Variants in TMPRSS11F observed in about 807,000 individuals in gnomAD.
TMPRSS11F encodes the protein transmembrane serine protease 11F, also known as transmembrane protease serine 11F.
Under a neutral mutation model 60.2 loss-of-function variants are expected in TMPRSS11F, and 47 were observed. The ratio of observed to expected loss-of-function variants is 0.78; its 90% CI spans 0.62 to 1.00. The LOEUF is 1.00. TMPRSS11F is among the 50% of genes least tolerant of loss of function. The pLI, the probability that TMPRSS11F is intolerant of heterozygous loss-of-function variation, is 0.00. For missense variants in TMPRSS11F, 519 were observed against 522.9 expected, an observed-to-expected ratio of 0.99 and a Z score of 0.07; for synonymous variants, 166 against 167.3, an observed-to-expected ratio of 0.99 and a Z score of 0.06.
chr4:68,063,613 T>A (rs2109834712), intron 8 of TMPRSS11F, among the ~76,000 whole-genome samples: 1 of 152,236 alleles, frequency 6.6e-6, no homozygotes. Flanking sequence ...TCTCCTGACC[T>A]CATGATCCGC....
chr4:68,071,281 T>TG (rs1164507857), intron 5 of TMPRSS11F, among the ~76,000 whole-genome samples: 1 of 152,202 alleles, frequency 6.6e-6, no homozygotes, highest in Non-Finnish European at 1.5e-5. Context: ...ACAATATTTG[T>TG]GGGGATTCTA....
At chr4:68,112,964 G>T (rs1440290529) in intron 1 of TMPRSS11F, among the ~76,000 whole-genome samples, 1 of 151,936 alleles carries the variant, frequency 6.6e-6, no homozygotes, top group African/African-American at 2.4e-5. Context: ...GTAAAATTCT[G>T]AAATATTTAT....
chr4:68,094,891 T>C (rs2109868276), intron 2 of TMPRSS11F, among the ~76,000 whole-genome samples: 1 of 152,118 alleles, frequency 6.6e-6, no homozygotes, highest in East Asian at 1.9e-4. Flanking sequence ...GTATAACAAT[T>C]GATTCTTAAA....
chr4:68,097,628 C>T (rs1481197722), intron 2 of TMPRSS11F, among the ~76,000 whole-genome samples: 1 of 152,034 alleles, frequency 6.6e-6, no homozygotes, highest in African/African-American at 2.4e-5. Context: ...GGGAATGGGG[C>T]ATTATTCAGC....
intron 3 of TMPRSS11F, among the ~76,000 whole-genome samples, chr4:68,086,239 C>A (rs1723808555): frequency 1.3e-5 from 2 of 152,082 alleles, no homozygotes. Context: ...AACCACACAA[C>A]TACATGGAAA....
intron 1 of TMPRSS11F, among the ~76,000 whole-genome samples, chr4:68,127,454 C>T (rs962359052): frequency 6.6e-6 from 1 of 152,034 alleles, no homozygotes; most frequent in Non-Finnish European, 1.5e-5. Context: ...ATCTCTGCCT[C>T]ACTTGCAGAG....
rs185577852 is a variant in TMPRSS11F, at chr4:68,093,035, C to T, written c.164-2394G>A. Among the ~76,000 whole-genome samples the T allele has an allele frequency of 1.6e-4, 24 of 152,144 alleles. 1 individual carries two copies. Among genetic ancestry groups the T allele is most frequent in the Admixed American group, 1.4e-3 (22 of 15,278 alleles). On this transcript the variant is annotated intron_variant, in intron 2 of 9. Transcript: ENST00000356291. ...TTATATGCAGAGAACATGATATTTG[C>T]CATTTATTGAATCTTTATTATATGC...
chr4:68,117,467 CAAAAAAAAAAAAAAA>C (rs55708045), intron 1 of TMPRSS11F, among the ~76,000 whole-genome samples: 10 of 51,398 alleles, frequency 1.9e-4, no homozygotes, highest in Non-Finnish European at 3.0e-4. Context: ...GACTCTGTCT[CAAAAAAAAAAAAAAA>C]AAAAAAAAAA....
chr4:68,072,226 A>ATATATATATATATATATATATATAT (rs61224244), intron 5 of TMPRSS11F, 97 bp downstream of exon 5: 3,151 of 78,254 alleles, frequency 0.04, 924 homozygotes, highest in East Asian at 0.069. Flanking sequence ...TCTTCCAAAA[A>ATATATATATATATATATATATATAT]AAAAATATAT....
At chr4:68,094,991 A>C (rs1724041659) in intron 2 of TMPRSS11F, among the ~76,000 whole-genome samples, 1 of 152,024 alleles carries the variant, frequency 6.6e-6, no homozygotes, top group Non-Finnish European at 1.5e-5. Context: ...AAAACCAACA[A>C]ACACAAAAAA....
intron 3 of TMPRSS11F, among the ~76,000 whole-genome samples, chr4:68,082,029 A>G (rs903918840): frequency 2.6e-5 from 4 of 152,210 alleles, no homozygotes; most frequent in African/African-American, 7.2e-5. Context: ...ATATTGAGTA[A>G]GCCAACATAC....
At chr4:68,061,800 C>G (rs1046984622) in intron 8 of TMPRSS11F, 17 of 441,856 alleles carry the variant, frequency 3.8e-5, no homozygotes, top group African/African-American at 3.0e-4. Flanking sequence ...TTACGTAGTT[C>G]TACAGTACAA....
In TMPRSS11F at chr4:68,109,085, C is replaced by T. The variant is rs1277751770; in HGVS notation, c.12-10047G>A. Reference sequence around the variant, plus strand: ...ATGATGGTTTTTAGGCATGCATTCCCAAAGTTTGCATCTCCTACACTAACT... The same window carrying T: ...ATGATGGTTTTTAGGCATGCATTCCTAAAGTTTGCATCTCCTACACTAACT... On this transcript the variant is annotated intron_variant, in intron 1 of 9. Coordinates refer to ENST00000356291, the MANE Select transcript of TMPRSS11F (RefSeq NM_207407.2). Among the ~76,000 whole-genome samples, 3 of 152,176 alleles carry T rather than the reference C, an allele frequency of 2.0e-5. No homozygotes were observed. In the East Asian group the frequency reaches 5.8e-4, roughly 29 times the overall value.
At chr4:68,072,602 T>C (rs1199583936) in intron 4 of TMPRSS11F, 116 bp from the exon 5 acceptor site, 1 of 645,546 alleles carries the variant, frequency 1.5e-6, no homozygotes, top group East Asian at 3.4e-5. Context: ...GCATACCAGA[T>C]TTTTAAATTA....
At chr4:68,067,519 A>C (rs1406246436) in intron 7 of TMPRSS11F, among the ~76,000 whole-genome samples, 1 of 143,660 alleles carries the variant, frequency 7.0e-6, no homozygotes, top group African/African-American at 2.5e-5. Context: ...TCAGTTATAA[A>C]CTAAAATGGA....
intron 3 of TMPRSS11F, among the ~76,000 whole-genome samples, chr4:68,087,885 A>C (rs999605365): frequency 9.6e-6 from 1 of 104,186 alleles, no homozygotes; most frequent in Non-Finnish European, 1.8e-5. Flanking sequence ...CCACCCCACA[A>C]CAGTCCTCAG....
At chr4:68,059,689 C>A (rs116779973) in intron 8 of TMPRSS11F, among the ~76,000 whole-genome samples, 1,870 of 151,970 alleles carry the variant, frequency 0.012, 14 homozygotes, top group Non-Finnish European at 0.021. Flanking sequence ...ATATTAGGAG[C>A]CTTAAAACTA....
At chr4:68,092,666 T>G (rs1029161014) in intron 2 of TMPRSS11F, among the ~76,000 whole-genome samples, 3 of 152,258 alleles carry the variant, frequency 2.0e-5, no homozygotes, top group Non-Finnish European at 1.5e-5. Flanking sequence ...TTTAATGAAT[T>G]CAAGCTATTT....
chr4:68,109,551 A>T (rs1008225304), intron 1 of TMPRSS11F, among the ~76,000 whole-genome samples: 1 of 152,178 alleles, frequency 6.6e-6, no homozygotes, highest in African/African-American at 2.4e-5. Flanking sequence ...TTTTAAATCA[A>T]CCACCTAAAT....
Sources: allele counts gnomAD v4.1 joint callset (sites outside exome capture counted in the v4.1 genomes callset), GRCh38; gene constraint gnomAD v4.1.1; transcripts MANE v1.5; gene names NCBI Gene and HGNC (gene_info 2026-07-23, HGNC 2026-07-21).